The following NTNG1 variants were observed in gnomAD, a reference collection of about 807,000 sequenced individuals.
The protein encoded by NTNG1 is netrin-G1.
In NTNG1, 16 loss-of-function variants were observed where a neutral mutation model predicts 54.0. That is an observed-to-expected ratio of 0.30 (90% CI 0.20 to 0.45). The LOEUF (loss-of-function observed/expected upper bound fraction) is 0.45, where lower values mean the gene tolerates loss of function less well. Among genes scored for constraint, NTNG1 ranks in the 20% least tolerant of loss-of-function variants. The pLI is 1.00. For missense variants in NTNG1, 530 were observed against 678.7 expected, an observed-to-expected ratio of 0.78 and a Z score of 2.43; for synonymous variants, 255 against 263.1, an observed-to-expected ratio of 0.97 and a Z score of 0.30.
chr1:107,346,798 T>C (rs1669268174), intron 3 of NTNG1, among the ~76,000 whole-genome samples: 1 of 151,088 alleles, frequency 6.6e-6, no homozygotes, highest in Admixed American at 6.6e-5. Context: ...TATATGCATT[T>C]GTGAAGAATG....
chr1:107,323,174 C>T (rs758050121), intron 2 of NTNG1, among the ~76,000 whole-genome samples: 3 of 151,392 alleles, frequency 2.0e-5, no homozygotes, highest in Non-Finnish European at 4.4e-5. Flanking sequence ...GGACAATGTC[C>T]GAGGATCAAT....
At chr1:107,142,610 T>A (rs1335341061) in intron 1 of NTNG1, among the ~76,000 whole-genome samples, 3 of 151,814 alleles carry the variant, frequency 2.0e-5, no homozygotes, top group Non-Finnish European at 4.4e-5. Flanking sequence ...GCAGTAGAAT[T>A]GCTCTAGAAA....
chr1:107,224,413 G>A (rs116389974), intron 2 of NTNG1, among the ~76,000 whole-genome samples: 1,719 of 152,230 alleles, frequency 0.011, 26 homozygotes, highest in African/African-American at 0.039. Flanking sequence ...CTGGACACTC[G>A]AGGGCATTGG....
chr1:107,377,058 C>T (rs1383760449), intron 3 of NTNG1, among the ~76,000 whole-genome samples: 2 of 152,160 alleles, frequency 1.3e-5, no homozygotes, highest in Non-Finnish European at 2.9e-5. Context: ...TTCAGGGTCC[C>T]CCTGACTCCT....
chr1:107,227,688 T>A (rs143056478), intron 2 of NTNG1, among the ~76,000 whole-genome samples: 3,724 of 148,862 alleles, frequency 0.025, 51 homozygotes, highest in African/African-American at 0.05. Context: ...TCTCTCTCTC[T>A]CACACACACA....
At chr1:107,190,573 C>G (rs1294889615) in intron 2 of NTNG1, among the ~76,000 whole-genome samples, 1 of 152,088 alleles carries the variant, frequency 6.6e-6, no homozygotes, top group Non-Finnish European at 1.5e-5. Context: ...CTATCCCTCT[C>G]CACTCCCCCC....
chr1:107,455,634 G>A lies in NTNG1; in HGVS notation c.1390+18835G>A, dbSNP rs752217009. On this transcript the variant is annotated intron_variant, in intron 7 of 7. Transcript: ENST00000370068. Reference sequence around the variant, plus strand: ...TACTCCACAGCTCTGTGGTGAGATGGAAGGTAACTGCTGTTGCACTGCAGC... The same window carrying A: ...TACTCCACAGCTCTGTGGTGAGATGAAAGGTAACTGCTGTTGCACTGCAGC... 6 of 494,158 alleles carry A rather than the reference G, an allele frequency of 1.2e-5. No individual in the cohort carries two copies. In the Admixed American group the frequency reaches 1.2e-4, roughly 10 times the overall value. The allele number at this position is 494,158 out of a possible 1,614,324, so 30.6% of individuals were successfully genotyped here.
intron 3 of NTNG1, among the ~76,000 whole-genome samples, chr1:107,367,852 C>A (rs1485450789): frequency 6.6e-6 from 1 of 152,022 alleles, no homozygotes; most frequent in East Asian, 1.9e-4. Flanking sequence ...GCCTCCGCCT[C>A]CCTGGTTCAA....
rs34047414 is a variant in NTNG1, at chr1:107,364,911, TA to T, written c.888-30237del. On this transcript the variant is annotated intron_variant, in intron 3 of 7. Transcript: ENST00000370068. The stretch of plus-strand genomic sequence containing the variant: ...TGTCTCCCAGTCCTCATTCATTATG[TA>T]AAAAAGTACTTCCCAAAGTATAGCA... Among the ~76,000 whole-genome samples the T allele has an allele frequency of 2.0e-5, 3 of 152,278 alleles. No individual in the cohort carries two copies. In the East Asian group the frequency reaches 5.8e-4, roughly 29 times the overall value.
At chr1:107,418,810 T>G (rs1021750325) in intron 5 of NTNG1, among the ~76,000 whole-genome samples, 8 of 151,958 alleles carry the variant, frequency 5.3e-5, no homozygotes. Flanking sequence ...CCAAAAATAT[T>G]AGAGTGAAAG....
At chr1:107,246,880 G>A (rs1662238226) in intron 2 of NTNG1, among the ~76,000 whole-genome samples, 1 of 152,064 alleles carries the variant, frequency 6.6e-6, no homozygotes, top group African/African-American at 2.4e-5. Context: ...AATTGTAATA[G>A]CCATCGTACG....
intron 6 of NTNG1, among the ~76,000 whole-genome samples, chr1:107,435,597 T>A (rs1281681977): frequency 6.6e-6 from 1 of 152,118 alleles, no homozygotes; most frequent in African/African-American, 2.4e-5. Flanking sequence ...AAACCCTGAA[T>A]CCCCATAGCA....
Position 107,315,008 on chromosome 1 carries a change from A to C in NTNG1, c.247-9274A>C, listed in dbSNP as rs7538913. Among the ~76,000 whole-genome samples, 527 of 152,318 alleles carry C rather than the reference A, an allele frequency of 3.5e-3. 2 individuals carry two copies. Among genetic ancestry groups the C allele is most frequent in the African/African-American group, 0.012 (514 of 41,574 alleles). ...CTTACTTCTATTATGTCTCATAAGA[A>C]TATCAAATTTAACATTTCCAGTCTT... On this transcript the variant is annotated intron_variant, in intron 2 of 7. Coordinates refer to ENST00000370068, the MANE Select transcript of NTNG1 (RefSeq NM_001113226.3).
rs891325844 is a variant in NTNG1, at chr1:107,241,614, A to G, written c.247-82668A>G. Among the ~76,000 whole-genome samples the G allele has an allele frequency of 2.6e-5, 4 of 152,342 alleles. No homozygotes were observed. The South Asian group carries it at 8.3e-4, about 32-fold the overall frequency. On this transcript the variant is annotated intron_variant, in intron 2 of 7. Transcript: ENST00000370068. ...CAGAACAACTCAAACAGGACAAAGC[A>G]TCAGTGACCAAAGCAACAGAATGCC...
chr1:107,354,361 C>T (rs1172656302), intron 3 of NTNG1, among the ~76,000 whole-genome samples: 1 of 148,110 alleles, frequency 6.8e-6, no homozygotes, highest in Non-Finnish European at 1.5e-5. Flanking sequence ...CCTAGCTACT[C>T]AGGAGGCAGA....
chr1:107,259,304 CTAG>C (rs1046896206), intron 2 of NTNG1, among the ~76,000 whole-genome samples: 1 of 152,040 alleles, frequency 6.6e-6, no homozygotes, highest in Admixed American at 6.5e-5. Flanking sequence ...AAAGTGCCCA[CTAG>C]ATCAAGGTAG....
chr1:107,370,874 T>G (rs1358483996), intron 3 of NTNG1, among the ~76,000 whole-genome samples: 4 of 152,188 alleles, frequency 2.6e-5, no homozygotes, highest in African/African-American at 9.6e-5. Context: ...GCTTTTATTA[T>G]AATTTTCAAC....
intron 2 of NTNG1, among the ~76,000 whole-genome samples, chr1:107,240,236 G>A (rs1490089579): frequency 6.6e-6 from 1 of 151,182 alleles, no homozygotes; most frequent in Non-Finnish European, 1.5e-5. Context: ...CCAACAAACA[G>A]TTTTAGGGAT....
chr1:107,480,588 C>CCAAAA, intron 7 of NTNG1, 23 bp from the exon 8 acceptor site: 4 of 1,119,754 alleles, frequency 3.6e-6, no homozygotes, highest in Non-Finnish European at 5.2e-6. Context: ...CCACCCACCC[C>CCAAAA]TACCTTCCCC....
Sources: gnomAD v4.1 joint callset for allele counts (sites outside exome capture counted in the v4.1 genomes callset) on GRCh38, gnomAD v4.1.1 for gene constraint, MANE v1.5 for transcripts, NCBI Gene and HGNC (gene_info 2026-07-23, HGNC 2026-07-21) for gene names.